The following FHIT variants were observed in gnomAD, a reference collection of about 807,000 sequenced individuals.
The protein encoded by FHIT is fragile histidine triad diadenosine triphosphatase.
Under a neutral mutation model 17.9 loss-of-function variants are expected in FHIT, and 19 were observed. That is an observed-to-expected ratio of 1.06 (90% CI 0.74 to 1.56). The LOEUF is 1.56. FHIT is among the 40% of genes most tolerant of loss of function. The probability of loss-of-function intolerance (pLI) is 0.00; values close to 1 mark genes in which losing one functional copy is unlikely to be tolerated. For synonymous variants in FHIT, 81 were observed against 69.7 expected (o/e 1.16, Z -0.81); for missense variants, 248 against 189.2 (o/e 1.31, Z -1.82).
intron 4 of FHIT, among the ~76,000 whole-genome samples, chr3:60,727,421 A>C (rs2041938527): frequency 6.6e-6 from 1 of 152,192 alleles, no homozygotes; most frequent in Non-Finnish European, 1.5e-5. Context: ...AGCTATGGCA[A>C]AGACATAATT....
At chr3:60,415,702 A>G (rs1194893050) in intron 5 of FHIT, among the ~76,000 whole-genome samples, 1 of 148,484 alleles carries the variant, frequency 6.7e-6, no homozygotes, top group Non-Finnish European at 1.5e-5. Flanking sequence ...TTAGCAGTGA[A>G]GGGTAGAAAC....
At chr3:60,245,020 C>A (rs868197352) in intron 5 of FHIT, among the ~76,000 whole-genome samples, 3 of 151,872 alleles carry the variant, frequency 2.0e-5, no homozygotes, top group African/African-American at 7.2e-5. Context: ...TTGTGTTTAG[C>A]GGCAGCAGCT....
intron 2 of FHIT, among the ~76,000 whole-genome samples, chr3:61,122,382 G>T (rs897130923): frequency 1.3e-5 from 2 of 152,148 alleles, no homozygotes; most frequent in African/African-American, 4.8e-5. Context: ...TTAAATGTTA[G>T]ACCTAAAACC....
At chr3:60,906,182 T>C (rs1706405661) in intron 3 of FHIT, among the ~76,000 whole-genome samples, 1 of 152,208 alleles carries the variant, frequency 6.6e-6, no homozygotes, top group African/African-American at 2.4e-5. Context: ...AAATAAATCT[T>C]GAACTTTACT....
At chr3:60,423,400 C>G (rs796993782) in intron 5 of FHIT, among the ~76,000 whole-genome samples, 5 of 152,192 alleles carry the variant, frequency 3.3e-5, no homozygotes, top group African/African-American at 1.2e-4. Flanking sequence ...CAGTCAAAAA[C>G]AGAGCGTGAG....
At chr3:60,669,727 T>C (rs2040468338) in intron 4 of FHIT, among the ~76,000 whole-genome samples, 1 of 152,148 alleles carries the variant, frequency 6.6e-6, no homozygotes, top group Non-Finnish European at 1.5e-5. Flanking sequence ...ATGTGAGAGC[T>C]AGAAGGCCTC....
chr3:60,497,396 T>C (rs936602505), intron 5 of FHIT, among the ~76,000 whole-genome samples: 7 of 152,342 alleles, frequency 4.6e-5, no homozygotes, highest in African/African-American at 1.4e-4. Context: ...TTGTACATTC[T>C]TATATTTGAA....
intron 5 of FHIT, among the ~76,000 whole-genome samples, chr3:60,481,760 G>T (rs769943027): frequency 3.3e-5 from 5 of 152,092 alleles, no homozygotes; most frequent in Non-Finnish European, 2.9e-5. Context: ...TGAAGAAATT[G>T]CATCAAATAG....
intron 1 of FHIT, among the ~76,000 whole-genome samples, chr3:61,224,693 A>G (rs974990950): frequency 2.6e-5 from 4 of 152,182 alleles, no homozygotes; most frequent in Middle Eastern, 3.2e-3. Context: ...TACAGGCATG[A>G]GCCACCACAT....
chr3:59,818,649 TA>T (rs1207210641), intron 8 of FHIT, among the ~76,000 whole-genome samples: 1 of 152,224 alleles, frequency 6.6e-6, no homozygotes, highest in Non-Finnish European at 1.5e-5. Context: ...ACAGCAGATC[TA>T]TTTCTGTGAG....
chr3:60,194,899 C>T (rs1702554559), intron 5 of FHIT, among the ~76,000 whole-genome samples: 1 of 152,090 alleles, frequency 6.6e-6, no homozygotes, highest in African/African-American at 2.4e-5. Context: ...GGTGCGGTGG[C>T]TCACACCTGT....
chr3:60,110,287 G>T (rs1207933972), intron 5 of FHIT, among the ~76,000 whole-genome samples: 1 of 152,184 alleles, frequency 6.6e-6, no homozygotes, highest in Non-Finnish European at 1.5e-5. Context: ...AGCAGGGTAA[G>T]TGGGCTCAGA....
intron 2 of FHIT, among the ~76,000 whole-genome samples, chr3:61,103,082 T>C (rs1442186185): frequency 6.6e-6 from 1 of 152,246 alleles, no homozygotes; most frequent in Admixed American, 6.5e-5. Flanking sequence ...TCGTTATTTC[T>C]TGCCTTCTGC....
intron 7 of FHIT, among the ~76,000 whole-genome samples, chr3:59,983,069 G>C (rs1230252897): frequency 6.6e-6 from 1 of 151,888 alleles, no homozygotes; most frequent in Non-Finnish European, 1.5e-5. Flanking sequence ...CTTCCAAGTA[G>C]CTGGGACTAG....
At chr3:61,186,431 G>A (rs1477680074) in intron 2 of FHIT, among the ~76,000 whole-genome samples, 3 of 152,200 alleles carry the variant, frequency 2.0e-5, no homozygotes, top group Admixed American at 2.0e-4. Flanking sequence ...TTTCCCCCAG[G>A]AAGGAGGAAT....
intron 2 of FHIT, among the ~76,000 whole-genome samples, chr3:61,122,755 C>G (rs897110775): frequency 6.6e-6 from 1 of 152,058 alleles, no homozygotes; most frequent in Non-Finnish European, 1.5e-5. Flanking sequence ...GAAAAAAAAC[C>G]TCATCATCAC....
intron 6 of FHIT, among the ~76,000 whole-genome samples, chr3:60,012,115 G>A (rs116450973): frequency 0.012 from 1,773 of 152,106 alleles, 16 homozygotes; most frequent in Middle Eastern, 0.031. Context: ...CCTGACTAAC[G>A]GGGTGAGAAC....
intron 5 of FHIT, among the ~76,000 whole-genome samples, chr3:60,332,696 C>T (rs991980251): frequency 2.6e-5 from 4 of 152,154 alleles, no homozygotes; most frequent in African/African-American, 9.7e-5. Context: ...TCGTTTTCAA[C>T]AATATGAGGC....
intron 7 of FHIT, among the ~76,000 whole-genome samples, chr3:59,977,319 G>A (rs550766173): frequency 6.6e-6 from 1 of 152,176 alleles, no homozygotes; most frequent in South Asian, 2.1e-4. Context: ...TACTTGGAAG[G>A]CTCTCCTAGC....
Sources: allele counts gnomAD v4.1 joint callset (sites outside exome capture counted in the v4.1 genomes callset), GRCh38; gene constraint gnomAD v4.1.1; transcripts MANE v1.5; gene names NCBI Gene and HGNC (gene_info 2026-07-23, HGNC 2026-07-21).